Variants in NALF1 observed in about 807,000 individuals in gnomAD.
The protein encoded by NALF1 is NALCN channel auxiliary factor 1.
NALF1 carries 3 observed loss-of-function variants against 48.4 expected under a neutral mutation model. The observed-to-expected ratio is 0.06, with a 90% CI of 0.03 to 0.16. NALF1 has a LOEUF of 0.16. NALF1 is among the 10% of genes least tolerant of loss of function. The pLI is 1.00. For missense variants in NALF1, 526 were observed against 571.5 expected (o/e 0.92, Z 0.81); for synonymous variants, 262 against 245.7 (o/e 1.07, Z -0.62).
chr13:107,536,876 A>G (rs1379525492), intron 1 of NALF1, among the ~76,000 whole-genome samples: 8 of 152,228 alleles, frequency 5.3e-5, no homozygotes, highest in Non-Finnish European at 1.2e-4. Context: ...TGGCACATAT[A>G]CACCATGGAA....
intron 1 of NALF1, among the ~76,000 whole-genome samples, chr13:107,650,765 T>C (rs1284323254): frequency 6.6e-6 from 1 of 152,106 alleles, no homozygotes; most frequent in African/African-American, 2.4e-5. Flanking sequence ...GATCATGTCT[T>C]TTGCCAGAAT....
intron 1 of NALF1, among the ~76,000 whole-genome samples, chr13:107,374,131 T>C (rs1003120061): frequency 1.3e-5 from 2 of 152,252 alleles, no homozygotes; most frequent in Admixed American, 6.5e-5. Flanking sequence ...ATGCATATTG[T>C]AACATCCATC....
At chr13:107,481,354 T>C (rs1419069331) in intron 1 of NALF1, among the ~76,000 whole-genome samples, 1 of 152,200 alleles carries the variant, frequency 6.6e-6, no homozygotes, top group Admixed American at 6.6e-5. Flanking sequence ...ACGATACATC[T>C]TGTCACAATA....
intron 1 of NALF1, among the ~76,000 whole-genome samples, chr13:107,757,804 T>C (rs1877154640): frequency 6.6e-6 from 1 of 152,144 alleles, no homozygotes; most frequent in African/African-American, 2.4e-5. Flanking sequence ...CTTAACTAAT[T>C]TGAAGTTTAT....
intron 1 of NALF1, among the ~76,000 whole-genome samples, chr13:107,739,653 A>C (rs1299602568): frequency 1.3e-5 from 2 of 152,154 alleles, no homozygotes; most frequent in Non-Finnish European, 2.9e-5. Context: ...TAAGACCTCA[A>C]GAAACTGAAC....
chr13:107,594,806 T>C (rs889458167), intron 1 of NALF1, among the ~76,000 whole-genome samples: 10 of 152,080 alleles, frequency 6.6e-5, no homozygotes, highest in Admixed American at 5.9e-4. Context: ...GAAATGGTGC[T>C]GTCACACTGA....
At chr13:107,564,852 C>A (rs1304843391) in intron 1 of NALF1, among the ~76,000 whole-genome samples, 1 of 151,992 alleles carries the variant, frequency 6.6e-6, no homozygotes, top group Non-Finnish European at 1.5e-5. Flanking sequence ...GGTCTAAGAG[C>A]CATTAGGGAC....
intron 1 of NALF1, 38 bp downstream of exon 1, chr13:107,865,644 A>G: frequency 6.3e-7 from 1 of 1,588,534 alleles, no homozygotes. Flanking sequence ...CAGAGATAGG[A>G]AAGTGCAGGA....
At chr13:107,834,367 G>C (rs1210949550) in intron 1 of NALF1, among the ~76,000 whole-genome samples, 4 of 152,194 alleles carry the variant, frequency 2.6e-5, no homozygotes, top group African/African-American at 9.6e-5. Context: ...ATTTGAGCCA[G>C]AGAGCAAGAG....
chr13:107,201,648 CCT>C (rs1879523761), intron 2 of NALF1, among the ~76,000 whole-genome samples: 1 of 152,172 alleles, frequency 6.6e-6, no homozygotes, highest in East Asian at 1.9e-4. Flanking sequence ...AGCAACAGGT[CCT>C]ATCTTGGGAC....
chr13:107,522,245 G>A (rs1051088268), intron 1 of NALF1, among the ~76,000 whole-genome samples: 15 of 151,924 alleles, frequency 9.9e-5, no homozygotes, highest in African/African-American at 1.9e-4. Flanking sequence ...CTCGTATTTC[G>A]TATCCTCTCC....
At chr13:107,526,525 C>G (rs74953069) in intron 1 of NALF1, among the ~76,000 whole-genome samples, 1,887 of 152,112 alleles carry the variant, frequency 0.012, 23 homozygotes, top group Middle Eastern at 0.037. Context: ...ATACAGCAAG[C>G]CTGACAATCT....
chr13:107,663,833 T>C (rs138889220), intron 1 of NALF1, among the ~76,000 whole-genome samples: 101 of 152,270 alleles, frequency 6.6e-4, no homozygotes, highest in Non-Finnish European at 1.2e-3. Context: ...GATACCACAG[T>C]GTCCTTTCCT....
chr13:107,366,419 G>A (rs1384769214), intron 1 of NALF1, among the ~76,000 whole-genome samples: 1 of 152,116 alleles, frequency 6.6e-6, no homozygotes, highest in African/African-American at 2.4e-5. Flanking sequence ...CCAGTGCAAA[G>A]CCTGCTGTAA....
At chr13:107,715,638 C>A (rs771410275) in intron 1 of NALF1, among the ~76,000 whole-genome samples, 2 of 152,102 alleles carry the variant, frequency 1.3e-5, no homozygotes, top group Non-Finnish European at 2.9e-5. Flanking sequence ...TGTAGAGTCA[C>A]GTACAGGAGG....
chr13:107,650,660 C>G (rs1402359359), intron 1 of NALF1, among the ~76,000 whole-genome samples: 2 of 151,956 alleles, frequency 1.3e-5, no homozygotes, highest in African/African-American at 4.8e-5. Flanking sequence ...ACACCAAAAT[C>G]TCACAAATTA....
At chr13:107,538,999 A>G (rs1345483439) in intron 1 of NALF1, among the ~76,000 whole-genome samples, 1 of 149,876 alleles carries the variant, frequency 6.7e-6, no homozygotes, top group Admixed American at 6.6e-5. Flanking sequence ...TCTATTTAGT[A>G]TTTATCTCAC....
chr13:107,624,963 C>T (rs1879627657), intron 1 of NALF1, among the ~76,000 whole-genome samples: 1 of 152,176 alleles, frequency 6.6e-6, no homozygotes, highest in Admixed American at 6.5e-5. Context: ...TTCCAAATCT[C>T]TATTCTTATG....
intron 1 of NALF1, among the ~76,000 whole-genome samples, chr13:107,241,833 T>C (rs556721211): frequency 6.6e-6 from 1 of 152,268 alleles, no homozygotes; most frequent in African/African-American, 2.4e-5. Context: ...CACATAAATA[T>C]GAAGTGCTGT....
Sources: allele counts gnomAD v4.1 joint callset (sites outside exome capture counted in the v4.1 genomes callset), GRCh38; gene constraint gnomAD v4.1.1; transcripts MANE v1.5; gene names NCBI Gene and HGNC (gene_info 2026-07-23, HGNC 2026-07-21).